Variants in PPL observed in about 807,000 individuals in gnomAD.
The protein encoded by PPL is periplakin.
PPL carries 198 observed loss-of-function variants against 194.4 expected under a neutral mutation model. That is an observed-to-expected ratio of 1.02 (90% confidence interval 0.91 to 1.15). The LOEUF (loss-of-function observed/expected upper bound fraction) is 1.15. Ranked by LOEUF, PPL falls within the 50% of genes most tolerant of loss-of-function variation. PPL has a pLI of 0.00. For synonymous variants in PPL, 1,220 were observed against 972.4 expected, an observed-to-expected ratio of 1.25 and a Z score of -4.74; for missense variants, 2,885 against 2,294.8, an observed-to-expected ratio of 1.26 and a Z score of -5.25.
intron 1 of PPL, among the ~76,000 whole-genome samples, chr16:4,931,217 C>T (rs1290361655): frequency 2.0e-5 from 3 of 152,052 alleles, no homozygotes; most frequent in South Asian, 2.1e-4. Flanking sequence ...TAAAAATTAG[C>T]GGGGCACGGT....
Position 4,920,366 on chromosome 16 carries a change from AGAAAG to A in PPL, c.63-9422_63-9418del, listed in dbSNP as rs1196623109. ...GAGAGAGAAAGAAAGAAAGAAAGAAAGAAAGGACACCTCGGTCAAATTTCAAAGAC... is the reference window on the plus strand; with the variant it reads ...GAGAGAGAAAGAAAGAAAGAAAGAAAGACACCTCGGTCAAATTTCAAAGAC... On this transcript the variant is annotated intron_variant, in intron 1 of 21. Transcript: ENST00000345988. Among the ~76,000 whole-genome samples, 23 of 72,634 alleles carry A rather than the reference AGAAAG, an allele frequency of 3.2e-4. 2 individuals carry two copies. The highest frequency in any genetic ancestry group is 6.5e-4 in the Non-Finnish European group (14 of 21,692). The allele number at this position is 72,634 out of a possible 152,430, so 47.7% of individuals were successfully genotyped here. A position where few individuals can be genotyped will look rare whatever the true frequency, so the allele number is the denominator to read the frequency against.
intron 9 of PPL, 117 bp from the exon 10 acceptor site, chr16:4,895,833 C>A: frequency 7.2e-7 from 1 of 1,396,904 alleles, no homozygotes; most frequent in Non-Finnish European, 9.9e-7. Flanking sequence ...ACCTGGAGTC[C>A]AGCATGGGAC....
chr16:4,902,646 T>C lies in PPL; in HGVS notation c.318-120A>G. The C allele has an allele frequency of 8.5e-7, 1 of 1,183,228 alleles. No individual in the cohort carries two copies. The highest frequency in any genetic ancestry group is 1.2e-6 in the Non-Finnish European group (1 of 858,334). The allele number at this position is 1,183,228 out of a possible 1,614,324, so 73.3% of individuals were successfully genotyped here. On this transcript the variant is annotated intron_variant, in intron 3 of 21. Coordinates refer to ENST00000345988, the MANE Select transcript of PPL (RefSeq NM_002705.5). The surrounding 1 kb of genome is among the most constrained non-coding windows in gnomAD (Gnocchi z 4.0). ...GAAGGACACAGTGACCATATGGCCT[T>C]GGGTTCCAGACAATCACAGCATCCT...
At position 4,904,018 on chromosome 16, in the gene PPL, C is replaced by G; in HGVS notation, c.185G>C (p.Gly62Ala). The G allele has an allele frequency of 6.2e-7, 1 of 1,612,612 alleles. No individual in the cohort carries two copies. The highest frequency in any genetic ancestry group is 8.5e-7 in the Non-Finnish European group (1 of 1,179,898). ...CACGTCCCGGTGCTCAGGCTGCCGA[C>G]CCTCCTGCAGCCGAGCCAGGTCCTG... ...MQSDLARLQEGRQPEHRDVTL... is the reference protein window; with the variant it reads ...MQSDLARLQEARQPEHRDVTL... Residue 62 changes from glycine (G) to alanine (A), a missense_variant, in exon 3 of 22, where the codon GGT (glycine) becomes GCT (alanine). Gly to Ala is a moderately conservative substitution (Grantham distance 60, BLOSUM62 0). Coordinates refer to ENST00000345988, the MANE Select transcript of PPL (RefSeq NM_002705.5).
chr16:4,884,007 G>C lies in PPL; in HGVS notation c.4648C>G (p.His1550Asp), dbSNP rs201020303. Residue 1550 changes from histidine to aspartate, a missense_variant, in exon 22 of 22, where the codon CAT becomes GAT. His to Asp is a moderately conservative substitution (Grantham distance 81). Coordinates refer to ENST00000345988, the MANE Select transcript of PPL (RefSeq NM_002705.5). This position sits in a 1 kb window ranked among gnomAD's most constrained non-coding sequence, Gnocchi z 5.7. ...AGTTCCTTGGATGACTTGGAGTTAT[G>C]GAATTCCAGCTCCGAAAGCCTGGCT... is the stretch of plus-strand genomic sequence containing the variant. ...LEARLSELEF[H>D]NSKSSKELDF... 1.9e-6 allele frequency: 3 copies of C among 1,613,960 alleles called. No homozygotes were observed.
chr16:4,901,829 A>G (rs1210742197), intron 4 of PPL, among the ~76,000 whole-genome samples: 4 of 151,538 alleles, frequency 2.6e-5, no homozygotes, highest in Admixed American at 6.6e-5. Context: ...AATTCCAGCT[A>G]CTTGGGAGGC....
At position 4,884,647 on chromosome 16, in the gene PPL, G is replaced by A. The variant is rs574122324; in HGVS notation, c.4008C>T (p.Ile1336=). 2.2e-5 allele frequency: 35 copies of A among 1,614,102 alleles called. No homozygotes were observed. In the Admixed American group the frequency reaches 4.3e-4, roughly 20 times the overall value. The change falls in exon 22 of 22, where the codon ATC becomes ATT. Residue 1336 remains isoleucine (I), a synonymous_variant. Coordinates refer to ENST00000345988, the MANE Select transcript of PPL (RefSeq NM_002705.5). This position sits in a 1 kb window ranked among gnomAD's most constrained non-coding sequence, Gnocchi z 5.7. ...ERERASQEEQ[I]ARKEEELSRV... is the part of the protein sequence containing the mutation. ...GCGAGAGCTCCTCCTCTTTCCGGGC[G>A]ATCTGCTCTTCCTGGGAAGCTCTTT...
chr16:4,887,051 C>T (rs2088229997), intron 21 of PPL, 84 bp downstream of exon 21: 1 of 1,206,758 alleles, frequency 8.3e-7, no homozygotes, highest in Non-Finnish European at 1.2e-6. Flanking sequence ...TCCATCAATT[C>T]ACAAACCATT....
intron 21 of PPL, among the ~76,000 whole-genome samples, chr16:4,886,670 G>C (rs1044270944): frequency 6.6e-6 from 1 of 152,186 alleles, no homozygotes; most frequent in East Asian, 1.9e-4. Flanking sequence ...CCAGGCTGGA[G>C]TGCAGTGGCA....
At chr16:4,896,582 T>A (rs934233752) in intron 9 of PPL, among the ~76,000 whole-genome samples, 1 of 151,040 alleles carries the variant, frequency 6.6e-6, no homozygotes, top group Non-Finnish European at 1.5e-5. Flanking sequence ...AGACCAAAGG[T>A]GACCTGGGGC....
intron 8 of PPL, among the ~76,000 whole-genome samples, chr16:4,898,372 C>G (rs2088475869): frequency 6.6e-6 from 1 of 152,142 alleles, no homozygotes; most frequent in Non-Finnish European, 1.5e-5. Flanking sequence ...CAGCGAAACT[C>G]CATCTCAGGC....
At chr16:4,916,530 G>C (rs751684381) in intron 1 of PPL, among the ~76,000 whole-genome samples, 1 of 151,790 alleles carries the variant, frequency 6.6e-6, no homozygotes, top group African/African-American at 2.4e-5. Flanking sequence ...TTTTGAGACA[G>C]GGTCTCACTC....
chr16:4,934,227 C>A (rs977109471), intron 1 of PPL, among the ~76,000 whole-genome samples: 2 of 152,088 alleles, frequency 1.3e-5, no homozygotes, highest in Non-Finnish European at 2.9e-5. Context: ...ACGGGAGCAA[C>A]GGGGTTCACA....
At chr16:4,890,965 C>T in intron 16 of PPL, 44 bp from the exon 17 acceptor site, 2 of 1,461,844 alleles carry the variant, frequency 1.4e-6, no homozygotes, top group Non-Finnish European at 1.8e-6. Context: ...GGCCAGAGCT[C>T]CCAGAGCCAG....
intron 14 of PPL, chr16:4,892,786 GCCCCTCCACGTCC>G (rs998284242): frequency 1.8e-5 from 3 of 168,104 alleles, no homozygotes; most frequent in African/African-American, 7.1e-5. Context: ...GGGGGAGGTG[GCCCCTCCACGTCC>G]CCCCTGGCAT....
intron 1 of PPL, among the ~76,000 whole-genome samples, chr16:4,929,554 G>T (rs952340049): frequency 2.0e-5 from 3 of 152,208 alleles, no homozygotes; most frequent in Non-Finnish European, 2.9e-5. Flanking sequence ...CCACGGTTTG[G>T]TTGATGTTTT....
At chr16:4,893,088 C>G in intron 14 of PPL, 125 bp downstream of exon 14, 1 of 1,253,424 alleles carries the variant, frequency 8.0e-7, no homozygotes, top group Non-Finnish European at 1.1e-6. Flanking sequence ...ATGCAGCAGG[C>G]TGTCCCTGAC....
chr16:4,887,034 G>T, intron 21 of PPL, 101 bp downstream of exon 21: 1 of 1,000,570 alleles, frequency 1.0e-6, no homozygotes, highest in African/African-American at 1.6e-5. Flanking sequence ...GTTAGCAAGG[G>T]GACACTTCCA....
At chr16:4,915,287 C>T (rs1392267737) in intron 1 of PPL, among the ~76,000 whole-genome samples, 2 of 152,254 alleles carry the variant, frequency 1.3e-5, no homozygotes, top group African/African-American at 4.8e-5. Context: ...AAGCTATGAG[C>T]AGACAGGCCA....
Sources: gnomAD v4.1 joint callset for allele counts (sites outside exome capture counted in the v4.1 genomes callset) on GRCh38, gnomAD v4.1.1 for gene constraint, Gnocchi (gnomAD v3.1) non-coding constraint, MANE v1.5 for transcripts, NCBI Gene and HGNC (gene_info 2026-07-23, HGNC 2026-07-21) for gene names.